ATP9B: variants seen among roughly 807,000 people sequenced by gnomAD.
The protein encoded by ATP9B is probable phospholipid-transporting ATPase IIB.
Under a neutral mutation model 146.1 loss-of-function variants are expected in ATP9B, and 110 were observed. The observed-to-expected ratio is 0.75, with a 90% CI of 0.65 to 0.88. The LOEUF (loss-of-function observed/expected upper bound fraction) is 0.88, where lower values mean the gene tolerates loss of function less well. Ranked by LOEUF, ATP9B falls within the 40% of genes least tolerant of loss-of-function variation. The pLI, the probability that ATP9B is intolerant of heterozygous loss-of-function variation, is 0.00. For synonymous variants in ATP9B, 604 were observed against 569.7 expected (o/e 1.06, Z -0.86); for missense variants, 1,499 against 1,496.4 (o/e 1.00, Z -0.03).
intron 4 of ATP9B, among the ~76,000 whole-genome samples, chr18:79,116,786 G>C (rs1361071647): frequency 2.3e-5 from 2 of 85,536 alleles, no homozygotes; most frequent in Non-Finnish European, 4.6e-5. Flanking sequence ...GTCGGGGGAG[G>C]GGGGAGGGAT....
At chr18:79,266,982 TTTTC>T in intron 12 of ATP9B, among the ~76,000 whole-genome samples, 1 of 152,192 alleles carries the variant, frequency 6.6e-6, no homozygotes, top group Non-Finnish European at 1.5e-5. Flanking sequence ...TTTTTTCTCA[TTTTC>T]TTTCTCTAAA....
chr18:79,072,809 G>A lies in ATP9B; in HGVS notation c.119+3280G>A, dbSNP rs145882077. On this transcript the variant is annotated intron_variant, in intron 1 of 29. Coordinates refer to ENST00000426216, the MANE Select transcript of ATP9B (RefSeq NM_198531.5). ...TCACCTCCCAGATGGGGTGGCTGCC[G>A]GGCAGAGGGGCTCCTCACCTCTCAG... Among the ~76,000 whole-genome samples the A allele has an allele frequency of 4.9e-3, 748 of 152,096 alleles. 5 individuals carry two copies. The highest frequency in any genetic ancestry group is 0.025 in the South Asian group (119 of 4,818).
At chr18:79,069,651 G>T in intron 1 of ATP9B, 122 bp downstream of exon 1, 1 of 580,618 alleles carries the variant, frequency 1.7e-6, no homozygotes, top group Non-Finnish European at 2.6e-6. Flanking sequence ...TGTTCGCTGG[G>T]AGCCGGGAGT....
At chr18:79,200,025 A>G (rs927800020) in intron 9 of ATP9B, among the ~76,000 whole-genome samples, 1 of 152,268 alleles carries the variant, frequency 6.6e-6, no homozygotes, top group South Asian at 2.1e-4. Flanking sequence ...GATAAAAAGT[A>G]TAGTAACACA....
intron 7 of ATP9B, among the ~76,000 whole-genome samples, chr18:79,165,439 TC>T (rs1230132381): frequency 1.3e-5 from 2 of 152,182 alleles, no homozygotes; most frequent in Non-Finnish European, 2.9e-5. Flanking sequence ...TCTCCTAACT[TC>T]CTTTCCAGTT....
intron 13 of ATP9B, among the ~76,000 whole-genome samples, chr18:79,296,528 T>C (rs894489679): frequency 5.9e-5 from 9 of 152,238 alleles, no homozygotes; most frequent in African/African-American, 2.2e-4. Context: ...ATCTCAAGTA[T>C]TTTTAAGGAC....
At chr18:79,327,827 G>A (rs1435315614) in intron 15 of ATP9B, among the ~76,000 whole-genome samples, 2 of 130,096 alleles carry the variant, frequency 1.5e-5, no homozygotes, top group Non-Finnish European at 3.2e-5. Context: ...TCCGTGGTTA[G>A]TGTGTTCTCC....
At chr18:79,186,379 G>C (rs554223617) in intron 8 of ATP9B, among the ~76,000 whole-genome samples, 1 of 151,996 alleles carries the variant, frequency 6.6e-6, no homozygotes, top group African/African-American at 2.4e-5. Flanking sequence ...GAAAAGCTTC[G>C]AATGACATTC....
intron 12 of ATP9B, among the ~76,000 whole-genome samples, chr18:79,263,101 CAT>C (rs955263335): frequency 2.5e-4 from 38 of 152,074 alleles, no homozygotes; most frequent in African/African-American, 2.4e-4. Context: ...TTTTAATAGA[CAT>C]ATATATTTAT....
At chr18:79,352,436 A>G (rs183356673) in intron 25 of ATP9B, 4 of 152,370 alleles carry the variant, frequency 2.6e-5, no homozygotes, top group Admixed American at 2.0e-4. Context: ...CGTGATAAAC[A>G]GATTTATCTT....
At chr18:79,262,313 G>A (rs1447088636) in intron 12 of ATP9B, among the ~76,000 whole-genome samples, 1 of 151,692 alleles carries the variant, frequency 6.6e-6, no homozygotes, top group Non-Finnish European at 1.5e-5. Context: ...TATAATTTAT[G>A]TTACGTTTTT....
intron 7 of ATP9B, among the ~76,000 whole-genome samples, chr18:79,175,197 CAAAAAAAAAA>C (rs536122117): frequency 3.5e-5 from 2 of 57,448 alleles, no homozygotes; most frequent in East Asian, 5.7e-4. Flanking sequence ...GAGACTGTCT[CAAAAAAAAAA>C]AAAAAAGAAA....
chr18:79,345,565 C>T lies in ATP9B; in HGVS notation c.2610C>T (p.Cys870=), dbSNP rs143043447. The change falls in exon 22 of 30, where the codon TGC becomes TGT. Residue 870 remains cysteine, a synonymous_variant. Coordinates refer to ENST00000426216, the MANE Select transcript of ATP9B (RefSeq NM_198531.5). ...LLQQHTGRRT[C]AIGDGGNDVS... ...AGCAGCACACAGGGAGACGCACCTG[C>T]GCCATCGGTGAGAGCCGCCCACCCT... 67 of 1,607,990 alleles carry T rather than the reference C, an allele frequency of 4.2e-5. No individual in the cohort carries two copies. The highest frequency in any genetic ancestry group is 1.6e-4 in the Middle Eastern group (1 of 6,080).
intron 11 of ATP9B, among the ~76,000 whole-genome samples, chr18:79,236,057 C>T (rs2095838694): frequency 6.6e-6 from 1 of 152,140 alleles, no homozygotes; most frequent in South Asian, 2.1e-4. Flanking sequence ...ATTCATTTCA[C>T]ATAATTCCGG....
intron 28 of ATP9B, 66 bp downstream of exon 28, chr18:79,374,167 G>T: frequency 1.3e-6 from 2 of 1,521,492 alleles, no homozygotes; most frequent in Non-Finnish European, 1.8e-6. Context: ...TTTTCTTATT[G>T]TTGCTTCTGA....
intron 13 of ATP9B, among the ~76,000 whole-genome samples, chr18:79,291,430 G>A (rs1161939436): frequency 1.3e-5 from 2 of 152,142 alleles, no homozygotes; most frequent in Non-Finnish European, 2.9e-5. Flanking sequence ...AAATAATTTT[G>A]TATTACAGAC....
intron 26 of ATP9B, chr18:79,359,824 C>T (rs1344909235): frequency 5.2e-5 from 13 of 251,312 alleles, no homozygotes; most frequent in African/African-American, 1.1e-4. Context: ...AAGGCTCCCC[C>T]GGACAGCGTC....
intron 11 of ATP9B, among the ~76,000 whole-genome samples, chr18:79,249,011 T>C (rs555206741): frequency 3.3e-5 from 5 of 152,154 alleles, no homozygotes; most frequent in African/African-American, 1.2e-4. Flanking sequence ...GTTTTAATTT[T>C]GAGATGGTTT....
chr18:79,325,096 G>A (rs73003831), intron 15 of ATP9B, among the ~76,000 whole-genome samples: 30,688 of 152,092 alleles, frequency 0.2, 3,858 homozygotes, highest in East Asian at 0.51. Context: ...CAGGTTCTGG[G>A]GAGGAGGGAC....
Sources: allele counts gnomAD v4.1 joint callset (sites outside exome capture counted in the v4.1 genomes callset), GRCh38; gene constraint gnomAD v4.1.1; transcripts MANE v1.5; gene names NCBI Gene and HGNC (gene_info 2026-07-23, HGNC 2026-07-21).